ANKS1B: variants seen among roughly 807,000 people sequenced by gnomAD.
ANKS1B encodes ankyrin repeat and sterile alpha motif domain containing 1B.
ANKS1B carries 36 observed loss-of-function variants against 148.3 expected under a neutral mutation model. That is an observed-to-expected ratio of 0.24 (90% confidence interval 0.19 to 0.32). The LOEUF is 0.32. Ranked by LOEUF, ANKS1B falls within the 10% of genes least tolerant of loss-of-function variation. The pLI is 1.00. For missense variants in ANKS1B, 1,157 were observed against 1,542.6 expected (o/e 0.75, Z 4.19); for synonymous variants, 542 against 560.8 (o/e 0.97, Z 0.47).
chr12:99,727,772 G>A (rs541701090), intron 8 of ANKS1B, among the ~76,000 whole-genome samples: 7 of 152,218 alleles, frequency 4.6e-5, no homozygotes, highest in South Asian at 4.1e-4. Context: ...AAACAGCATG[G>A]TACTGGTACC....
intron 9 of ANKS1B, among the ~76,000 whole-genome samples, chr12:99,614,252 T>C (rs1375128480): frequency 6.6e-6 from 1 of 151,910 alleles, no homozygotes; most frequent in Non-Finnish European, 1.5e-5. Flanking sequence ...CTGGCCAATA[T>C]GGCAAAACCC....
Position 99,697,946 on chromosome 12 carries a change from T to C in ANKS1B, c.1129-42736A>G, listed in dbSNP as rs149052560. On this transcript the variant is annotated intron_variant, in intron 8 of 26. Coordinates refer to ENST00000683438, the MANE Select transcript of ANKS1B (RefSeq NM_001352186.2). ...AAATCTATAAGCAAAAATGTATGCA[T>C]ACATAGCATGCTTTTGATTAAGAAA... Among the ~76,000 whole-genome samples, 999 of 152,178 alleles carry C rather than the reference T, an allele frequency of 6.6e-3. 4 individuals are homozygous for C. The highest frequency in any genetic ancestry group is 0.011 in the Non-Finnish European group (755 of 67,988).
At chr12:99,874,257 C>T (rs2153731135) in intron 1 of ANKS1B, among the ~76,000 whole-genome samples, 1 of 152,050 alleles carries the variant, frequency 6.6e-6, no homozygotes, top group African/African-American at 2.4e-5. Flanking sequence ...AATTTCACCT[C>T]CCTAATATAA....
At chr12:99,014,771 A>T (rs1485755660) in intron 17 of ANKS1B, among the ~76,000 whole-genome samples, 1 of 152,202 alleles carries the variant, frequency 6.6e-6, no homozygotes, top group African/African-American at 2.4e-5. Flanking sequence ...ACATGAAAAA[A>T]GCTCAACATC....
rs142838266 is a variant in ANKS1B at position 98,773,253 on chromosome 12, C to G, written c.3442-74G>C. On this transcript the variant is annotated intron_variant, in intron 24 of 26. Coordinates refer to ENST00000683438, the MANE Select transcript of ANKS1B (RefSeq NM_001352186.2). ...TATATGACAACCAAGACAAGTAACCCAGGAAGCAGTTGCTTTCCTTCTTTC... is the reference window on the plus strand; with the variant it reads ...TATATGACAACCAAGACAAGTAACCGAGGAAGCAGTTGCTTTCCTTCTTTC... 235 of 1,498,306 alleles carry G rather than the reference C, an allele frequency of 1.6e-4. No individual in the cohort carries two copies. In the African/African-American group the frequency reaches 2.8e-3, roughly 18 times the overall value. 92.8% of individuals were successfully genotyped at this position (1,498,306 alleles called of 1,614,324 possible). A position where few individuals can be genotyped will look rare whatever the true frequency, so the allele number is the denominator to read the frequency against.
intron 8 of ANKS1B, among the ~76,000 whole-genome samples, chr12:99,734,204 A>G (rs1440982863): frequency 6.6e-6 from 1 of 152,048 alleles, no homozygotes; most frequent in Non-Finnish European, 1.5e-5. Flanking sequence ...CAAATGACTA[A>G]TTCTACCCCC....
intron 8 of ANKS1B, among the ~76,000 whole-genome samples, chr12:99,767,806 G>A (rs754028472): frequency 6.6e-6 from 1 of 152,002 alleles, no homozygotes; most frequent in Non-Finnish European, 1.5e-5. Flanking sequence ...ACTTGAGCTA[G>A]CCTTTATATT....
At chr12:99,888,610 G>C (rs567530804) in intron 1 of ANKS1B, among the ~76,000 whole-genome samples, 52 of 152,238 alleles carry the variant, frequency 3.4e-4, no homozygotes, top group African/African-American at 9.9e-4. Context: ...AGAGAAAAAA[G>C]ATCGGCCAAC....
At chr12:99,916,536 A>G (rs2153792216) in intron 1 of ANKS1B, among the ~76,000 whole-genome samples, 1 of 152,316 alleles carries the variant, frequency 6.6e-6, no homozygotes, top group African/African-American at 2.4e-5. Flanking sequence ...ATATACTTAG[A>G]AGCAGCTAGA....
At chr12:99,035,259 T>C (rs915175480) in intron 17 of ANKS1B, among the ~76,000 whole-genome samples, 1 of 152,106 alleles carries the variant, frequency 6.6e-6, no homozygotes. Context: ...CCTCCACCTT[T>C]CTATGTGAAA....
At chr12:99,877,585 G>A (rs1006394577) in intron 1 of ANKS1B, among the ~76,000 whole-genome samples, 1 of 152,224 alleles carries the variant, frequency 6.6e-6, no homozygotes, top group African/African-American at 2.4e-5. Flanking sequence ...ACATTTGTCA[G>A]TCATCCTTGA....
intron 1 of ANKS1B, among the ~76,000 whole-genome samples, chr12:99,878,460 G>A (rs1045015532): frequency 1.1e-4 from 16 of 152,174 alleles, no homozygotes; most frequent in Non-Finnish European, 2.1e-4. Context: ...AAAATCTTTT[G>A]TGCTGGGCAC....
intron 17 of ANKS1B, among the ~76,000 whole-genome samples, chr12:98,902,818 G>C (rs764293133): frequency 6.6e-6 from 1 of 152,178 alleles, no homozygotes; most frequent in East Asian, 1.9e-4. Flanking sequence ...GTTCACCCTA[G>C]TACAAATTCA....
At chr12:99,355,032 A>T (rs965036864) in intron 12 of ANKS1B, among the ~76,000 whole-genome samples, 3 of 152,150 alleles carry the variant, frequency 2.0e-5, no homozygotes, top group Admixed American at 6.6e-5. Flanking sequence ...AACTAACAGT[A>T]TGATATCTAA....
intron 4 of ANKS1B, among the ~76,000 whole-genome samples, chr12:99,793,102 A>G (rs552614558): frequency 7.9e-5 from 12 of 152,050 alleles, no homozygotes; most frequent in African/African-American, 2.9e-4. Flanking sequence ...CAGTAGCCAC[A>G]CATAAAACTA....
At chr12:99,307,674 T>C (rs2082543110) in intron 12 of ANKS1B, among the ~76,000 whole-genome samples, 1 of 151,764 alleles carries the variant, frequency 6.6e-6, no homozygotes, top group Non-Finnish European at 1.5e-5. Context: ...ACCTGCTTTG[T>C]GCTTTTTGAT....
intron 8 of ANKS1B, among the ~76,000 whole-genome samples, chr12:99,669,893 T>C (rs1044944326): frequency 2.0e-5 from 3 of 152,126 alleles, no homozygotes; most frequent in Non-Finnish European, 4.4e-5. Flanking sequence ...TATTTAGGAA[T>C]TGGATTCAGG....
chr12:99,027,355 A>G (rs986619247), intron 17 of ANKS1B, among the ~76,000 whole-genome samples: 2 of 152,208 alleles, frequency 1.3e-5, no homozygotes, highest in African/African-American at 4.8e-5. Context: ...CATAATTGCT[A>G]ATTCACTGTG....
At chr12:99,339,332 C>G (rs1361312640) in intron 12 of ANKS1B, among the ~76,000 whole-genome samples, 1 of 152,192 alleles carries the variant, frequency 6.6e-6, no homozygotes, top group African/African-American at 2.4e-5. Context: ...CAAAGTCCAG[C>G]AATCACTGCA....
Sources: allele counts gnomAD v4.1 joint callset (sites outside exome capture counted in the v4.1 genomes callset), GRCh38; gene constraint gnomAD v4.1.1; transcripts MANE v1.5; gene names NCBI Gene and HGNC (gene_info 2026-07-23, HGNC 2026-07-21).